TMEM116: variants seen among roughly 807,000 people sequenced by gnomAD.
TMEM116 encodes the protein transmembrane protein 116.
A neutral mutation model predicts 44.3 loss-of-function variants in TMEM116; 38 were observed. That is an observed-to-expected ratio of 0.86 (90% confidence interval 0.66 to 1.12). The LOEUF (loss-of-function observed/expected upper bound fraction) is 1.12, where lower values mean the gene tolerates loss of function less well. TMEM116 is among the 50% of genes most tolerant of loss of function. The probability of loss-of-function intolerance (pLI) is 0.00; values close to 1 mark genes in which losing one functional copy is unlikely to be tolerated. For missense variants in TMEM116, 354 were observed against 401.7 expected (o/e 0.88, Z 1.01); for synonymous variants, 132 against 144.8 (o/e 0.91, Z 0.64).
At chr12:111,974,052 A>C (rs1306726920) in intron 4 of TMEM116, among the ~76,000 whole-genome samples, 2 of 152,188 alleles carry the variant, frequency 1.3e-5, no homozygotes, top group African/African-American at 4.8e-5. Context: ...TCCTATTAAA[A>C]TACTAAAAAA....
intron 4 of TMEM116, 110 bp downstream of exon 4, chr12:111,991,648 G>T: frequency 4.6e-6 from 5 of 1,084,826 alleles, no homozygotes; most frequent in Non-Finnish European, 6.2e-6. Context: ...GTTTCAAAAT[G>T]TAACAATAAA....
intron 5 of TMEM116, among the ~76,000 whole-genome samples, chr12:111,940,602 C>CT (rs1434257028): frequency 7.5e-6 from 1 of 133,620 alleles, no homozygotes; most frequent in Non-Finnish European, 1.6e-5. Flanking sequence ...TAAAGCTTTT[C>CT]TTCTTGAAAC....
chr12:111,984,179 G>A (rs2076094934), intron 4 of TMEM116, among the ~76,000 whole-genome samples: 1 of 151,726 alleles, frequency 6.6e-6, no homozygotes, highest in Non-Finnish European at 1.5e-5. Context: ...AGGAACAGAA[G>A]AAAACTATCT....
At chr12:111,936,175 C>T (rs1037855369) in intron 8 of TMEM116, 2 of 152,116 alleles carry the variant, frequency 1.3e-5, no homozygotes, top group African/African-American at 4.8e-5. Context: ...CTTACTATCC[C>T]CTGGCTAATT....
At chr12:112,006,699 A>AATAT (rs1483570612) in intron 1 of TMEM116, among the ~76,000 whole-genome samples, 1 of 152,220 alleles carries the variant, frequency 6.6e-6, no homozygotes, top group Admixed American at 6.5e-5. Context: ...GCACAGCAAG[A>AATAT]ATATACCTAC....
intron 5 of TMEM116, among the ~76,000 whole-genome samples, chr12:111,941,889 G>T (rs1485268602): frequency 1.3e-5 from 2 of 152,114 alleles, no homozygotes; most frequent in Admixed American, 1.3e-4. Flanking sequence ...CATCTTGGGG[G>T]TGGAAGGGAC....
intron 3 of TMEM116, among the ~76,000 whole-genome samples, chr12:111,995,199 A>G (rs2076862349): frequency 6.6e-6 from 1 of 152,186 alleles, no homozygotes; most frequent in African/African-American, 2.4e-5. Context: ...CCCTACAAAA[A>G]CTAACATAGA....
chr12:112,004,052 C>CTCAACG (rs1323382860), intron 2 of TMEM116, among the ~76,000 whole-genome samples, 189 bp from the exon 3 acceptor site: 1 of 152,158 alleles, frequency 6.6e-6, no homozygotes, highest in East Asian at 1.9e-4. Flanking sequence ...GTCATTATAG[C>CTCAACG]TCAACGTAAC....
In TMEM116 at chr12:111,991,761, T is replaced by C. The variant is rs1322775377; in HGVS notation, c.207A>G (p.Gly69=). 1.6e-5 allele frequency: 25 copies of C among 1,534,762 alleles called. 1 individual carries two copies. The highest frequency in any genetic ancestry group is 1.8e-5 in the Non-Finnish European group (21 of 1,146,032). The part of the protein sequence containing the change: ...DIICYNLQAV[G]QIFYISSFLY... ...GTGACAGTCTTGTAGCACTCACCTG[T>C]CCAACTGCTTGTAGGTTATAGCAGA... is the stretch of plus-strand genomic sequence containing the variant. Residue 69 remains glycine (G), a synonymous_variant, in exon 4 of 11, where the codon GGA becomes GGG. Transcript: ENST00000552374.
intron 3 of TMEM116, chr12:111,993,399 T>A: frequency 1.8e-6 from 1 of 547,890 alleles, no homozygotes; most frequent in East Asian, 5.0e-5. Flanking sequence ...GTTCTGCAAG[T>A]TTGGCTTTTA....
At chr12:111,996,563 A>G (rs2076937696) in intron 3 of TMEM116, among the ~76,000 whole-genome samples, 1 of 152,200 alleles carries the variant, frequency 6.6e-6, no homozygotes, top group Non-Finnish European at 1.5e-5. Flanking sequence ...GCAACAGGAC[A>G]CTTTATACAC....
chr12:111,984,410 C>A (rs2076108869), intron 4 of TMEM116, among the ~76,000 whole-genome samples: 1 of 151,882 alleles, frequency 6.6e-6, no homozygotes, highest in Non-Finnish European at 1.5e-5. Flanking sequence ...AGGATGGTAC[C>A]AGAAGCTGGG....
At chr12:111,936,431 T>C (rs2072168297) in intron 8 of TMEM116, 3 of 327,734 alleles carry the variant, frequency 9.2e-6, no homozygotes, top group African/African-American at 2.1e-5. Flanking sequence ...CCATAGGGGA[T>C]TGATGAAGCC....
chr12:111,985,308 G>A (rs2076167528), intron 4 of TMEM116, among the ~76,000 whole-genome samples: 2 of 151,062 alleles, frequency 1.3e-5, no homozygotes, highest in Non-Finnish European at 2.9e-5. Context: ...ACACGCAACT[G>A]TTCAAACAAA....
intron 4 of TMEM116, among the ~76,000 whole-genome samples, chr12:111,979,075 AG>A (rs1393600523): frequency 2.6e-5 from 4 of 152,222 alleles, no homozygotes; most frequent in Non-Finnish European, 5.9e-5. Context: ...AAGATAACAT[AG>A]GAGAAAATCT....
intron 1 of TMEM116, chr12:112,012,212 TC>T (rs879343849): frequency 2.6e-5 from 4 of 152,232 alleles, no homozygotes; most frequent in Admixed American, 1.3e-4. Context: ...AAAAGTCACC[TC>T]CTGTCTACAA....
rs977148305 is a variant in TMEM116, at chr12:111,959,152, T to C, written c.211-15783A>G. Among the ~76,000 whole-genome samples the C allele has an allele frequency of 2.0e-5, 3 of 152,218 alleles. No homozygotes were observed. In the South Asian group the frequency reaches 6.2e-4, roughly 32 times the overall value. Reference sequence around the variant, plus strand: ...CCATCAGACTAACAGTAGATCTCTCTGCAGAAACCCTACAAGCTAGAAGAG... The same window carrying C: ...CCATCAGACTAACAGTAGATCTCTCCGCAGAAACCCTACAAGCTAGAAGAG... On this transcript the variant is annotated intron_variant, in intron 4 of 10. Transcript: ENST00000552374.
chr12:111,940,567 G>GTATATA lies in TMEM116; in HGVS notation c.316-2363_316-2358dup, dbSNP rs138347540. ...TATACACACACACATATATATGTGTGTATATATATATATATATCTTCGGCT... is the reference window on the plus strand; with the variant it reads ...TATACACACACACATATATATGTGTGTATATATATATATATATATATATCTTCGGCT... On this transcript the variant is annotated intron_variant, in intron 5 of 10. Coordinates refer to ENST00000552374, the MANE Select transcript of TMEM116 (RefSeq NM_001193531.2). 2.5e-4 allele frequency among the ~76,000 whole-genome samples: 33 copies of GTATATA among 130,210 alleles called. No homozygotes were observed. The East Asian group carries it at 4.2e-3, about 16-fold the overall frequency. The allele number at this position is 130,210 out of a possible 152,430, so 85.4% of individuals were successfully genotyped here. A position where few individuals can be genotyped will look rare whatever the true frequency, so the allele number is the denominator to read the frequency against.
chr12:111,991,831 G>T lies in TMEM116; in HGVS notation c.137C>A (p.Thr46Lys). 3 of 1,535,976 alleles carry T rather than the reference G, an allele frequency of 2.0e-6. No homozygotes were observed. Among genetic ancestry groups the T allele is most frequent in the Non-Finnish European group, 1.7e-6 (2 of 1,146,646 alleles). ...TGAAGCTCCATAGAGAAGTGTCTCC[G>T]TGAGCCAGCAAAGTCCCAGGAGCAG... The part of the protein sequence containing the change: ...CDLLLGLCWL[T>K]ETLLYGASVA... The change falls in exon 4 of 11, where the codon ACG becomes AAG. Residue 46 changes from threonine to lysine, a missense_variant. By Grantham distance (78) the Thr-to-Lys change is moderately conservative. Coordinates refer to ENST00000552374, the MANE Select transcript of TMEM116 (RefSeq NM_001193531.2).
Sources: allele counts gnomAD v4.1 joint callset (sites outside exome capture counted in the v4.1 genomes callset), GRCh38; gene constraint gnomAD v4.1.1; transcripts MANE v1.5; gene names NCBI Gene and HGNC (gene_info 2026-07-23, HGNC 2026-07-21).